Variants in RETREG3 observed in about 807,000 individuals in gnomAD.
The protein encoded by RETREG3 is reticulophagy regulator 3.
RETREG3 carries 23 observed loss-of-function variants against 50.2 expected under a neutral mutation model. The ratio of observed to expected loss-of-function variants is 0.46; its 90% CI spans 0.33 to 0.65. RETREG3 has a LOEUF of 0.65. Ranked by LOEUF, RETREG3 falls within the 30% of genes least tolerant of loss-of-function variation. The pLI is 0.02. For synonymous variants in RETREG3, 240 were observed against 234.4 expected, an observed-to-expected ratio of 1.02 and a Z score of -0.22; for missense variants, 546 against 598.0, an observed-to-expected ratio of 0.91 and a Z score of 0.91.
In RETREG3 at chr17:42,597,161, G is replaced by A. The variant is rs1394815668; in HGVS notation, c.240-4999C>T. On this transcript the variant is annotated intron_variant, in intron 1 of 8. Coordinates refer to ENST00000309428, the MANE Select transcript of RETREG3 (RefSeq NM_178126.4). ...AGTACTGGGATTAGAGGCATGAGCC[G>A]CTGTACCTGGCCAGAAGAATCTATT... Among the ~76,000 whole-genome samples the A allele has an allele frequency of 5.3e-5, 8 of 150,926 alleles. No individual in the cohort carries two copies. In the East Asian group the frequency reaches 1.4e-3, roughly 26 times the overall value.
At chr17:42,592,009 GA>G in intron 2 of RETREG3, 46 bp downstream of exon 2, 1 of 1,493,740 alleles carries the variant, frequency 6.7e-7, no homozygotes. Context: ...CAAATTATAG[GA>G]AAGGCCATCT....
At chr17:42,601,702 G>A (rs546905679) in intron 1 of RETREG3, among the ~76,000 whole-genome samples, 18 of 132,242 alleles carry the variant, frequency 1.4e-4, no homozygotes, top group East Asian at 2.3e-4. Context: ...GCGCGATCTC[G>A]GGTCACCACA....
chr17:42,594,644 C>G (rs903097646), intron 1 of RETREG3, among the ~76,000 whole-genome samples: 2 of 151,742 alleles, frequency 1.3e-5, no homozygotes, highest in African/African-American at 4.8e-5. Flanking sequence ...GAGATCGAGA[C>G]CATCCTGGCT....
chr17:42,593,079 G>C (rs974138548), intron 1 of RETREG3, among the ~76,000 whole-genome samples: 2 of 152,146 alleles, frequency 1.3e-5, no homozygotes, highest in African/African-American at 4.8e-5. Context: ...AACACTTCTT[G>C]ATTTATTTTG....
Position 42,583,563 on chromosome 17 carries a change from G to A in RETREG3, c.745C>T (p.His249Tyr). Residue 249 changes from histidine (H) to tyrosine (Y), a missense_variant, in exon 7 of 9, where the codon CAC becomes TAC. By Grantham distance (83) the His-to-Tyr change is moderately conservative. Transcript: ENST00000309428. ...TGGTTGTCCATGGCTCGTTCTGGGT[G>A]GAGAGCTCTGCGGCGTACTGTGGGA... ...RERQLRRRALHPERAMDNHSD... is the reference protein window; with the variant it reads ...RERQLRRRALYPERAMDNHSD... 5.0e-6 allele frequency: 8 copies of A among 1,613,722 alleles called. No homozygotes were observed. The highest frequency in any genetic ancestry group is 6.8e-6 in the Non-Finnish European group (8 of 1,179,744).
At position 42,591,300 on chromosome 17, in the gene RETREG3, T is replaced by C. The variant is rs1010743483; in HGVS notation, c.346+756A>G. ...ACTTAATTTTTCATTTGTTTATGTA[T>C]GTATTAGCTTTTTAAAAAGACACCA... is the stretch of plus-strand genomic sequence containing the variant. On this transcript the variant is annotated intron_variant, in intron 2 of 8. Coordinates refer to ENST00000309428, the MANE Select transcript of RETREG3 (RefSeq NM_178126.4). Among the ~76,000 whole-genome samples the C allele has an allele frequency of 3.3e-5, 5 of 152,166 alleles. No homozygotes were observed. In the East Asian group the frequency reaches 9.6e-4, roughly 29 times the overall value.
At position 42,592,043 on chromosome 17, in the gene RETREG3, C is replaced by T. The variant is rs1567923132; in HGVS notation, c.346+13G>A. On this transcript the variant is annotated intron_variant, in intron 2 of 8. Transcript: ENST00000309428. The stretch of plus-strand genomic sequence containing the variant: ...TCTTCAGTTCAGATTGTTCTAAATG[C>T]TACCAAACTCACCTTTTATTTCAGG... The T allele has an allele frequency of 6.2e-7, 1 of 1,604,090 alleles. No individual in the cohort carries two copies. Among genetic ancestry groups the T allele is most frequent in the Non-Finnish European group, 8.5e-7 (1 of 1,172,224 alleles).
At chr17:42,593,969 CTGCT>C (rs971306402) in intron 1 of RETREG3, among the ~76,000 whole-genome samples, 4 of 151,760 alleles carry the variant, frequency 2.6e-5, no homozygotes, top group Non-Finnish European at 4.4e-5. Flanking sequence ...GGCAGGCAGA[CTGCT>C]TGAGCTCAGG....
intron 1 of RETREG3, among the ~76,000 whole-genome samples, chr17:42,597,160 C>T (rs1315377941): frequency 6.6e-6 from 1 of 151,042 alleles, no homozygotes; most frequent in East Asian, 1.9e-4. Context: ...AGGCATGAGC[C>T]GCTGTACCTG....
At chr17:42,601,981 C>T (rs1260648155) in intron 1 of RETREG3, among the ~76,000 whole-genome samples, 1 of 152,048 alleles carries the variant, frequency 6.6e-6, no homozygotes, top group Non-Finnish European at 1.5e-5. Context: ...CTATACATCA[C>T]TGAGCATGTT....
Position 42,581,913 on chromosome 17 carries a change from G to A in RETREG3, c.1301C>T (p.Pro434Leu), listed in dbSNP as rs776110979. ...AGCATCAGTGTCCAGGTCTGAACTG[G>A]GGGACCGGAGGAAGCCTCTCGTTGC... ...QRATRGFLRS[P>L]SSDLDTDAEG... is the part of the protein sequence containing the mutation. The change falls in exon 9 of 9, where the codon CCC becomes CTC. Residue 434 changes from proline (P) to leucine (L), a missense_variant. Pro to Leu is a moderately conservative substitution (Grantham distance 98). Transcript: ENST00000309428. 1 of 1,614,154 alleles carries A rather than the reference G, an allele frequency of 6.2e-7. No individual in the cohort carries two copies. The highest frequency in any genetic ancestry group is 1.1e-5 in the South Asian group (1 of 91,088).
chr17:42,584,676 C>T (rs530647184), intron 6 of RETREG3, among the ~76,000 whole-genome samples: 3 of 151,876 alleles, frequency 2.0e-5, no homozygotes, highest in Non-Finnish European at 2.9e-5. Context: ...GATGTGGTGA[C>T]ACATGCCTGT....
chr17:42,590,327 T>C (rs958666567), intron 2 of RETREG3, among the ~76,000 whole-genome samples: 1 of 152,142 alleles, frequency 6.6e-6, no homozygotes, highest in South Asian at 2.1e-4. Flanking sequence ...GCTATGATCA[T>C]GCCACTGTAC....
chr17:42,583,667 A>T (rs2093114973), intron 6 of RETREG3, 87 bp from the exon 7 acceptor site: 2 of 1,268,880 alleles, frequency 1.6e-6, no homozygotes, highest in African/African-American at 3.0e-5. Context: ...TCAGAACACA[A>T]AACAAAGAGC....
chr17:42,590,625 T>C (rs1301744934), intron 2 of RETREG3, among the ~76,000 whole-genome samples: 5 of 151,952 alleles, frequency 3.3e-5, no homozygotes, highest in African/African-American at 1.2e-4. Flanking sequence ...TGAGCCATGA[T>C]TGCGCCACTG....
intron 7 of RETREG3, among the ~76,000 whole-genome samples, chr17:42,583,020 G>A (rs566619685): frequency 1.3e-5 from 2 of 151,576 alleles, no homozygotes; most frequent in Admixed American, 6.6e-5. Flanking sequence ...AAAAAATCTT[G>A]ACCCCTTTTA....
chr17:42,596,689 C>G (rs147189220), intron 1 of RETREG3: 11 of 152,196 alleles, frequency 7.2e-5, no homozygotes, highest in Non-Finnish European at 1.5e-4. Context: ...GATGTTGATA[C>G]TCCCTTTTAT....
At chr17:42,609,020 A>C (rs1040021799) in intron 1 of RETREG3, 66 bp downstream of exon 1, 1 of 1,484,668 alleles carries the variant, frequency 6.7e-7, no homozygotes, top group Admixed American at 1.9e-5. Flanking sequence ...GCAGGCGAGA[A>C]GTAGAGCCCT....
At chr17:42,608,869 G>C in intron 1 of RETREG3, 1 of 541,270 alleles carries the variant, frequency 1.8e-6, no homozygotes, top group South Asian at 2.5e-5. Context: ...GCGGGGGTGC[G>C]GGCACAGGTA....
Sources: gnomAD v4.1 joint callset for allele counts (sites outside exome capture counted in the v4.1 genomes callset) on GRCh38, gnomAD v4.1.1 for gene constraint, MANE v1.5 for transcripts, NCBI Gene and HGNC (gene_info 2026-07-23, HGNC 2026-07-21) for gene names.